LEF1: variants seen among roughly 807,000 people sequenced by gnomAD.
The protein encoded by LEF1 is lymphoid enhancer binding factor 1.
In LEF1, 14 loss-of-function variants were observed where a neutral mutation model predicts 51.2. The ratio of observed to expected loss-of-function variants is 0.27; its 90% CI spans 0.18 to 0.43. The LOEUF is 0.43. Ranked by LOEUF, LEF1 falls within the 20% of genes least tolerant of loss-of-function variation. The pLI is 1.00. For missense variants in LEF1, 386 were observed against 512.0 expected (o/e 0.75, Z 2.37); for synonymous variants, 185 against 183.2 (o/e 1.01, Z -0.08).
At chr4:108,119,627 G>C (rs954591180) in intron 3 of LEF1, among the ~76,000 whole-genome samples, 73 of 152,226 alleles carry the variant, frequency 4.8e-4, no homozygotes, top group Admixed American at 9.2e-4. Flanking sequence ...GGCCTGTTTG[G>C]GAGTATGTTG....
At chr4:108,123,646 T>C (rs542696008) in intron 3 of LEF1, among the ~76,000 whole-genome samples, 15 of 152,144 alleles carry the variant, frequency 9.9e-5, no homozygotes, top group Middle Eastern at 3.4e-3. Flanking sequence ...AGATTGGATA[T>C]GTGTATGCAT....
At chr4:108,110,978 G>C (rs1741498365) in intron 3 of LEF1, among the ~76,000 whole-genome samples, 1 of 152,058 alleles carries the variant, frequency 6.6e-6, no homozygotes, top group Admixed American at 6.5e-5. Context: ...ATGAAAGATA[G>C]GTAAACTAGT....
chr4:108,097,386 A>C (rs1035563840), intron 3 of LEF1, among the ~76,000 whole-genome samples: 4 of 152,192 alleles, frequency 2.6e-5, no homozygotes, highest in Non-Finnish European at 5.9e-5. Flanking sequence ...CTAAAAATTA[A>C]AACAGTTGAA....
At chr4:108,099,073 C>T (rs191973107) in intron 3 of LEF1, among the ~76,000 whole-genome samples, 37 of 152,194 alleles carry the variant, frequency 2.4e-4, no homozygotes, top group African/African-American at 8.7e-4. Context: ...AATTCAAATA[C>T]TGTGTGTGAA....
chr4:108,094,996 T>C (rs574903596), intron 3 of LEF1, among the ~76,000 whole-genome samples: 1 of 152,310 alleles, frequency 6.6e-6, no homozygotes, highest in East Asian at 1.9e-4. Flanking sequence ...TTCTTGCATC[T>C]AGACCTCAGA....
chr4:108,147,038 G>A (rs577005849), intron 3 of LEF1, among the ~76,000 whole-genome samples: 1 of 152,214 alleles, frequency 6.6e-6, no homozygotes, highest in Admixed American at 6.5e-5. Flanking sequence ...AAGTGCAGGA[G>A]GAGCACTTGA....
At chr4:108,157,843 A>G (rs939361494) in intron 3 of LEF1, among the ~76,000 whole-genome samples, 2 of 152,242 alleles carry the variant, frequency 1.3e-5, no homozygotes, top group African/African-American at 4.8e-5. Flanking sequence ...CAGCAGGTTT[A>G]CAGGTTTAGC....
chr4:108,081,513 G>A (rs1167315991), intron 6 of LEF1, 73 bp downstream of exon 6: 1 of 1,237,330 alleles, frequency 8.1e-7, no homozygotes, highest in East Asian at 2.3e-5. Flanking sequence ...CAAAAGGCAA[G>A]CAGAGGCGCA....
chr4:108,101,746 T>C (rs1323429990), intron 3 of LEF1, among the ~76,000 whole-genome samples: 1 of 152,160 alleles, frequency 6.6e-6, no homozygotes, highest in Non-Finnish European at 1.5e-5. Flanking sequence ...CACTCTAATA[T>C]TTTGTAGTTC....
intron 3 of LEF1, among the ~76,000 whole-genome samples, chr4:108,126,730 G>C (rs1007793226): frequency 6.6e-6 from 1 of 150,814 alleles, no homozygotes; most frequent in Non-Finnish European, 1.5e-5. Flanking sequence ...GCTTGAACCC[G>C]GGAAGCAGAG....
At chr4:108,099,916 CAGAT>C (rs1478856187) in intron 3 of LEF1, among the ~76,000 whole-genome samples, 1 of 151,956 alleles carries the variant, frequency 6.6e-6, no homozygotes, top group Non-Finnish European at 1.5e-5. Context: ...CCAGTCAACT[CAGAT>C]AACTTTTACA....
chr4:108,161,389 G>A (rs72898331), intron 3 of LEF1, among the ~76,000 whole-genome samples: 124 of 152,212 alleles, frequency 8.1e-4, no homozygotes, highest in African/African-American at 2.9e-3. Context: ...CAAAGCAACA[G>A]ATAACAGGGT....
intron 11 of LEF1, among the ~76,000 whole-genome samples, chr4:108,052,825 A>C (rs1222922712): frequency 6.6e-6 from 1 of 152,166 alleles, no homozygotes; most frequent in Non-Finnish European, 1.5e-5. Context: ...GGGGGAAGGA[A>C]CAAAAACACT....
intron 3 of LEF1, among the ~76,000 whole-genome samples, chr4:108,157,179 TACACACACACACACAC>T (rs59867246): frequency 1.7e-5 from 2 of 116,740 alleles, no homozygotes; most frequent in African/African-American, 6.5e-5. Flanking sequence ...TATATATATA[TACACACACACACACAC>T]ACACACACAC....
At chr4:108,072,217 T>TAGAGTG (rs143347970) in intron 8 of LEF1, 1 of 151,732 alleles carries the variant, frequency 6.6e-6, no homozygotes, top group Admixed American at 6.6e-5. Flanking sequence ...GGAGGAAGGA[T>TAGAGTG]AGAGTGAGAG....
At position 108,167,627 on chromosome 4, in the gene LEF1, T is replaced by TTCC; in HGVS notation, c.138_140dup (p.Glu47dup). The TTCC allele has an allele frequency of 6.2e-7, 1 of 1,614,214 alleles. No individual in the cohort carries two copies. On this transcript the variant is annotated inframe_insertion, in exon 1 of 12. Transcript: ENST00000265165. This position sits in a 1 kb window ranked among gnomAD's most constrained non-coding sequence, Gnocchi z 5.7. ...AAGACTTGATGTCAGCTAAATCGCC[T>TTCC]TCCTCTTCGGGATGACTGATCTCGG...
chr4:108,086,186 G>C (rs977264833), intron 4 of LEF1, among the ~76,000 whole-genome samples: 4 of 152,164 alleles, frequency 2.6e-5, no homozygotes, highest in Non-Finnish European at 4.4e-5. Flanking sequence ...AGAAGTGTGT[G>C]TCTCTCCACC....
In LEF1 at chr4:108,167,605, A is replaced by T; in HGVS notation, c.163T>A (p.Ser55Thr). Reference sequence around the variant, plus strand: ...ATTTCAGACTCGTTCACCAAGGAAGACTTGATGTCAGCTAAATCGCCTTCC... The same window carrying T: ...ATTTCAGACTCGTTCACCAAGGAAGTCTTGATGTCAGCTAAATCGCCTTCC... Reference protein sequence around the residue: ...EEEGDLADIKSSLVNESEIIP... With the variant: ...EEEGDLADIKTSLVNESEIIP... Residue 55 changes from serine (S) to threonine (T), a missense_variant, in exon 1 of 12, where the codon TCT becomes ACT. Ser to Thr is a moderately conservative substitution (Grantham distance 58). Transcript: ENST00000265165. The surrounding 1 kb of genome is among the most constrained non-coding windows in gnomAD (Gnocchi z 5.7). 6.2e-7 allele frequency: 1 copy of T among 1,614,154 alleles called. No homozygotes were observed.
At chr4:108,149,785 T>G (rs1744254448) in intron 3 of LEF1, among the ~76,000 whole-genome samples, 1 of 151,694 alleles carries the variant, frequency 6.6e-6, no homozygotes, top group African/African-American at 2.4e-5. Context: ...TCTTATAAGC[T>G]CATTTACAAA....
Sources: gnomAD v4.1 joint callset for allele counts (sites outside exome capture counted in the v4.1 genomes callset) on GRCh38, gnomAD v4.1.1 for gene constraint, Gnocchi (gnomAD v3.1) non-coding constraint, MANE v1.5 for transcripts, NCBI Gene and HGNC (gene_info 2026-07-23, HGNC 2026-07-21) for gene names.